Variants in SLC9C1 observed in about 807,000 individuals in gnomAD.
SLC9C1 encodes the protein solute carrier family 9 member C1.
In SLC9C1, 97 loss-of-function variants were observed where a neutral mutation model predicts 140.9. The observed-to-expected ratio is 0.69, with a 90% CI of 0.58 to 0.82. The LOEUF is 0.82. Ranked by LOEUF, SLC9C1 falls within the 40% of genes least tolerant of loss-of-function variation. SLC9C1 has a pLI of 0.00. For synonymous variants in SLC9C1, 440 were observed against 442.6 expected (o/e 0.99, Z 0.07); for missense variants, 1,340 against 1,389.3 (o/e 0.96, Z 0.56).
At chr3:112,201,064 G>A (rs1017113502) in intron 18 of SLC9C1, among the ~76,000 whole-genome samples, 3 of 136,254 alleles carry the variant, frequency 2.2e-5, no homozygotes, top group Non-Finnish European at 3.2e-5. Context: ...AATATGAAAC[G>A]TTATAAAACT....
intron 16 of SLC9C1, among the ~76,000 whole-genome samples, chr3:112,204,625 G>A (rs566974660): frequency 1.3e-5 from 2 of 152,002 alleles, no homozygotes; most frequent in South Asian, 2.1e-4. Flanking sequence ...TAAAGGACAG[G>A]TATAATGAAA....
intron 28 of SLC9C1, among the ~76,000 whole-genome samples, 196 bp downstream of exon 28, chr3:112,151,658 AATC>A (rs1314871223): frequency 6.6e-6 from 1 of 152,258 alleles, no homozygotes; most frequent in Admixed American, 6.5e-5. Context: ...AGTTTTCAGA[AATC>A]TAGATAAAGG....
At chr3:112,283,461 A>G (rs1489787013) in intron 2 of SLC9C1, among the ~76,000 whole-genome samples, 2 of 143,108 alleles carry the variant, frequency 1.4e-5, no homozygotes, top group Non-Finnish European at 3.0e-5. Context: ...TGGGTGACAG[A>G]GCAAAACCCT....
chr3:112,141,416 G>A, intron 28 of SLC9C1, 135 bp from the exon 29 acceptor site: 1 of 774,418 alleles, frequency 1.3e-6, no homozygotes. Flanking sequence ...TTTTGTTAAG[G>A]CCAAGGAAGG....
rs1262260028 is a variant in SLC9C1 at position 112,244,024 on chromosome 3, A to C, written c.1250T>G (p.Phe417Cys). ...TATAGTAACTGCCACTGGCAAAATA[A>C]ATCTATTGACAACAAGGGTTATTAG... ...VCLITLVVNR[F>C]ILPVAVTILG... The change falls in exon 11 of 29, where the codon TTT becomes TGT. Residue 417 changes from phenylalanine (F) to cysteine (C), a missense_variant. Phe to Cys is a radical substitution (Grantham distance 205, BLOSUM62 -2). Coordinates refer to ENST00000305815, the MANE Select transcript of SLC9C1 (RefSeq NM_183061.3). 6.2e-7 allele frequency: 1 copy of C among 1,607,564 alleles called. No individual in the cohort carries two copies. The highest frequency in any genetic ancestry group is 8.5e-7 in the Non-Finnish European group (1 of 1,176,326).
chr3:112,144,740 C>A (rs933527912), intron 28 of SLC9C1, among the ~76,000 whole-genome samples: 1 of 152,040 alleles, frequency 6.6e-6, no homozygotes, highest in Admixed American at 6.6e-5. Flanking sequence ...TGACTTGGCT[C>A]TCAGCTTGAA....
At chr3:112,290,874 C>A (rs1180147500) in intron 1 of SLC9C1, among the ~76,000 whole-genome samples, 2 of 146,092 alleles carry the variant, frequency 1.4e-5, no homozygotes, top group Non-Finnish European at 3.0e-5. Flanking sequence ...ATCAGGATTG[C>A]AACCCTTGCT....
At chr3:112,157,581 T>G (rs1187932190) in intron 26 of SLC9C1, among the ~76,000 whole-genome samples, 1 of 152,074 alleles carries the variant, frequency 6.6e-6, no homozygotes, top group Admixed American at 6.6e-5. Context: ...TTGATAGGCC[T>G]TGCATTGGAT....
intron 20 of SLC9C1, among the ~76,000 whole-genome samples, chr3:112,191,484 G>A (rs1484795132): frequency 1.3e-5 from 2 of 152,050 alleles, no homozygotes; most frequent in Admixed American, 1.3e-4. Flanking sequence ...TTAATGTGGT[G>A]TATCACATTT....
At chr3:112,214,665 T>G (rs892043657) in intron 15 of SLC9C1, among the ~76,000 whole-genome samples, 7 of 152,038 alleles carry the variant, frequency 4.6e-5, no homozygotes, top group African/African-American at 7.2e-5. Context: ...CCAGGAAGAA[T>G]TTGAATCTCT....
At chr3:112,237,014 T>C (rs536651039) in intron 12 of SLC9C1, among the ~76,000 whole-genome samples, 2 of 152,206 alleles carry the variant, frequency 1.3e-5, no homozygotes, top group Non-Finnish European at 2.9e-5. Flanking sequence ...ATTTCCTGGA[T>C]ATCCTTGTTA....
intron 10 of SLC9C1, among the ~76,000 whole-genome samples, chr3:112,255,421 C>T (rs563192534): frequency 6.6e-6 from 1 of 151,982 alleles, no homozygotes; most frequent in East Asian, 1.9e-4. Context: ...GAAATTAAGG[C>T]TAAAAAACTA....
intron 10 of SLC9C1, among the ~76,000 whole-genome samples, chr3:112,250,609 T>C (rs1480867925): frequency 6.6e-6 from 1 of 152,084 alleles, no homozygotes; most frequent in African/African-American, 2.4e-5. Context: ...CAAAAAAGAA[T>C]GTAGACATAT....
chr3:112,170,013 A>G (rs1454855960), intron 23 of SLC9C1, among the ~76,000 whole-genome samples: 2 of 152,216 alleles, frequency 1.3e-5, no homozygotes, highest in Non-Finnish European at 2.9e-5. Flanking sequence ...AAAGAGTTAA[A>G]CGTTAGATCC....
chr3:112,222,429 A>T (rs1401500521), intron 13 of SLC9C1, among the ~76,000 whole-genome samples: 5 of 152,190 alleles, frequency 3.3e-5, no homozygotes, highest in Non-Finnish European at 4.4e-5. Flanking sequence ...GAAAAGCGAG[A>T]TTTATTGATT....
chr3:112,183,392 C>T (rs1375438906), intron 20 of SLC9C1, among the ~76,000 whole-genome samples: 2 of 104,964 alleles, frequency 1.9e-5, no homozygotes, highest in African/African-American at 8.0e-5. Context: ...AAAAAACAGA[C>T]TTTATTGAAG....
intron 1 of SLC9C1, among the ~76,000 whole-genome samples, chr3:112,287,969 G>C (rs28448850): frequency 6.6e-6 from 1 of 150,642 alleles, no homozygotes; most frequent in African/African-American, 2.4e-5. Flanking sequence ...CGTGAACCGG[G>C]GAGGCGGAGC....
At chr3:112,142,795 C>T (rs917527100) in intron 28 of SLC9C1, among the ~76,000 whole-genome samples, 3 of 151,948 alleles carry the variant, frequency 2.0e-5, no homozygotes, top group African/African-American at 2.4e-5. Flanking sequence ...GGGTATATTG[C>T]GTGATGCTGG....
At chr3:112,175,246 G>C (rs906124398) in intron 23 of SLC9C1, among the ~76,000 whole-genome samples, 1 of 152,158 alleles carries the variant, frequency 6.6e-6, no homozygotes, top group East Asian at 1.9e-4. Flanking sequence ...TAGTCACCTC[G>C]GACTTTCTAG....
Sources: allele counts gnomAD v4.1 joint callset (sites outside exome capture counted in the v4.1 genomes callset), GRCh38; gene constraint gnomAD v4.1.1; transcripts MANE v1.5; gene names NCBI Gene and HGNC (gene_info 2026-07-23, HGNC 2026-07-21).